Variants in NELL1 observed in about 807,000 individuals in gnomAD.
NELL1 encodes protein kinase C-binding protein NELL1.
A neutral mutation model predicts 107.4 loss-of-function variants in NELL1; 76 were observed. The observed-to-expected ratio is 0.71, with a 90% confidence interval of 0.59 to 0.86. The LOEUF (loss-of-function observed/expected upper bound fraction) is 0.86, where lower values mean the gene tolerates loss of function less well. Among genes scored for constraint, NELL1 ranks in the 40% least tolerant of loss-of-function variants. NELL1 has a pLI of 0.00. For missense variants in NELL1, 1,024 were observed against 1,005.5 expected, an observed-to-expected ratio of 1.02 and a Z score of -0.25; for synonymous variants, 353 against 341.2, an observed-to-expected ratio of 1.03 and a Z score of -0.38.
chr11:21,399,619 A>G (rs753625938), intron 15 of NELL1, among the ~76,000 whole-genome samples: 1 of 151,984 alleles, frequency 6.6e-6, no homozygotes, highest in Non-Finnish European at 1.5e-5. Flanking sequence ...ATTTAAGCAT[A>G]TATTACTAAT....
At chr11:21,441,621 A>C (rs762586840) in intron 15 of NELL1, among the ~76,000 whole-genome samples, 75 of 152,126 alleles carry the variant, frequency 4.9e-4, no homozygotes, top group Non-Finnish European at 1.0e-3. Flanking sequence ...TCTAAAATGC[A>C]GGTAAAGGTA....
chr11:21,404,150 A>G (rs933576260), intron 15 of NELL1, among the ~76,000 whole-genome samples: 3 of 151,832 alleles, frequency 2.0e-5, no homozygotes, highest in African/African-American at 7.3e-5. Context: ...TGCACTTTAG[A>G]AACAGCCTGG....
At position 20,678,075 on chromosome 11, in the gene NELL1, T is replaced by G. The variant is rs768381657; in HGVS notation, c.184+15T>G. 1.2e-6 allele frequency: 2 copies of G among 1,613,886 alleles called. No individual in the cohort carries two copies. The highest frequency in any genetic ancestry group is 2.7e-5 in the African/African-American group (2 of 75,022). ...TTTATTTCAAGGTAAAGGCACCTCC[T>G]TTCTTGCATGGTGGCAGAGGTTGGG... On this transcript the variant is annotated intron_variant, in intron 2 of 19. Coordinates refer to ENST00000357134, the MANE Select transcript of NELL1 (RefSeq NM_006157.5).
intron 15 of NELL1, among the ~76,000 whole-genome samples, chr11:21,510,175 G>A (rs1855399599): frequency 6.6e-6 from 1 of 152,196 alleles, no homozygotes; most frequent in South Asian, 2.1e-4. Flanking sequence ...CGATTGGCCA[G>A]CCACATCTTG....
chr11:20,736,048 G>A (rs1855753905), intron 2 of NELL1, among the ~76,000 whole-genome samples: 2 of 151,938 alleles, frequency 1.3e-5, no homozygotes, highest in South Asian at 4.2e-4. Flanking sequence ...GAAAGGGAGA[G>A]GATAATGAAT....
intron 12 of NELL1, among the ~76,000 whole-genome samples, chr11:21,063,448 C>T (rs759903058): frequency 2.6e-5 from 4 of 152,146 alleles, no homozygotes; most frequent in Non-Finnish European, 5.9e-5. Flanking sequence ...CTTCAAAATC[C>T]CAACCCTCTA....
Position 20,908,794 on chromosome 11 carries a change from A to G in NELL1, c.604-9388A>G, listed in dbSNP as rs1850062140. Among the ~76,000 whole-genome samples the G allele has an allele frequency of 2.0e-5, 3 of 152,216 alleles. 1 individual carries two copies. The South Asian group carries it at 6.2e-4, about 32-fold the overall frequency. Reference sequence around the variant, plus strand: ...TGGTTCCTCAAAAATTTAAACACAGAATTACATGTAATCCAGCAATTCCTC... The same window carrying G: ...TGGTTCCTCAAAAATTTAAACACAGGATTACATGTAATCCAGCAATTCCTC... On this transcript the variant is annotated intron_variant, in intron 5 of 19. Transcript: ENST00000357134.
intron 2 of NELL1, among the ~76,000 whole-genome samples, chr11:20,706,587 G>T (rs1431805188): frequency 2.6e-5 from 4 of 151,602 alleles, no homozygotes; most frequent in African/African-American, 7.3e-5. Flanking sequence ...GAGTTAGTGG[G>T]TGCAGCACAC....
At chr11:21,286,479 G>T (rs1373795434) in intron 14 of NELL1, among the ~76,000 whole-genome samples, 1 of 152,142 alleles carries the variant, frequency 6.6e-6, no homozygotes, top group East Asian at 1.9e-4. Flanking sequence ...ATGGCCCCCT[G>T]CACCTCCAAT....
intron 4 of NELL1, among the ~76,000 whole-genome samples, chr11:20,858,264 A>G (rs1167538619): frequency 2.2e-4 from 34 of 152,018 alleles, no homozygotes; most frequent in Non-Finnish European, 1.5e-5. Flanking sequence ...GCACCCCCCT[A>G]TTTCTGATGA....
chr11:20,711,811 A>G (rs1792991), intron 2 of NELL1, among the ~76,000 whole-genome samples: 25,608 of 152,042 alleles, frequency 0.17, 2,507 homozygotes, highest in African/African-American at 0.24. Flanking sequence ...CAGCTCTTAA[A>G]ATTCTTTACT....
chr11:21,355,249 C>T (rs1850905457), intron 14 of NELL1, among the ~76,000 whole-genome samples: 1 of 152,060 alleles, frequency 6.6e-6, no homozygotes, highest in African/African-American at 2.4e-5. Flanking sequence ...ATGTGTGCAC[C>T]AGTTAGTGAG....
chr11:21,517,002 C>G (rs1855583375), intron 15 of NELL1, among the ~76,000 whole-genome samples: 1 of 152,102 alleles, frequency 6.6e-6, no homozygotes, highest in African/African-American at 2.4e-5. Context: ...GTTGGCCAGG[C>G]TGGTTTCAAA....
At chr11:20,766,855 G>C (rs1856541485) in intron 2 of NELL1, among the ~76,000 whole-genome samples, 1 of 151,552 alleles carries the variant, frequency 6.6e-6, no homozygotes, top group African/African-American at 2.4e-5. Flanking sequence ...TGATTCTCCT[G>C]CCTCAGCCTC....
At chr11:21,491,596 T>C (rs905750107) in intron 15 of NELL1, among the ~76,000 whole-genome samples, 11 of 152,220 alleles carry the variant, frequency 7.2e-5, no homozygotes, top group African/African-American at 2.7e-4. Flanking sequence ...TTTGGGTTAC[T>C]GTAGCTTTGT....
intron 2 of NELL1, among the ~76,000 whole-genome samples, chr11:20,736,118 C>T (rs562978480): frequency 1.3e-5 from 2 of 152,194 alleles, no homozygotes; most frequent in African/African-American, 4.8e-5. Flanking sequence ...TGCCTCTATT[C>T]TTAGTGAAAT....
At chr11:20,751,080 G>A (rs1032171867) in intron 2 of NELL1, among the ~76,000 whole-genome samples, 2 of 151,586 alleles carry the variant, frequency 1.3e-5, no homozygotes, top group Non-Finnish European at 2.9e-5. Context: ...TTTCTATTCC[G>A]CTGATCTATA....
At chr11:21,228,212 C>G (rs745826255) in intron 13 of NELL1, among the ~76,000 whole-genome samples, 10 of 152,120 alleles carry the variant, frequency 6.6e-5, no homozygotes, top group Non-Finnish European at 1.0e-4. Context: ...ATAGAGGAGT[C>G]ATTTGGGTAA....
chr11:21,169,333 C>T (rs1856552696), intron 13 of NELL1, among the ~76,000 whole-genome samples: 1 of 151,750 alleles, frequency 6.6e-6, no homozygotes, highest in Admixed American at 6.6e-5. Context: ...TAAAGAAAAG[C>T]TGGAACTTGC....
Sources: gnomAD v4.1 joint callset for allele counts (sites outside exome capture counted in the v4.1 genomes callset) on GRCh38, gnomAD v4.1.1 for gene constraint, MANE v1.5 for transcripts, NCBI Gene and HGNC (gene_info 2026-07-23, HGNC 2026-07-21) for gene names.